Variants in BAIAP2 observed in about 807,000 individuals in gnomAD.
BAIAP2 encodes BAR/IMD domain containing adaptor protein 2, also known as BAR/IMD domain-containing adapter protein 2.
A neutral mutation model predicts 63.0 loss-of-function variants in BAIAP2; 18 were observed. That is an observed-to-expected ratio of 0.29 (90% confidence interval 0.20 to 0.42). The LOEUF is 0.42. Among genes scored for constraint, BAIAP2 ranks in the 10% least tolerant of loss-of-function variants. BAIAP2 has a pLI of 1.00. For synonymous variants in BAIAP2, 386 were observed against 307.6 expected, an observed-to-expected ratio of 1.25 and a Z score of -2.67; for missense variants, 610 against 734.3, an observed-to-expected ratio of 0.83 and a Z score of 1.96.
At chr17:81,063,479 A>G (rs1237947058) in intron 3 of BAIAP2, among the ~76,000 whole-genome samples, 1 of 152,182 alleles carries the variant, frequency 6.6e-6, no homozygotes, top group Non-Finnish European at 1.5e-5. Flanking sequence ...TCGAGGCCCA[A>G]GGGGCCCTGA....
At chr17:81,074,383 G>A (rs745938158) in intron 3 of BAIAP2, among the ~76,000 whole-genome samples, 4 of 151,964 alleles carry the variant, frequency 2.6e-5, no homozygotes, top group South Asian at 4.2e-4. Context: ...TGCGTGCACG[G>A]ATACGTGAGT....
At chr17:81,079,570 G>T (rs1002337585) in intron 3 of BAIAP2, among the ~76,000 whole-genome samples, 4 of 152,124 alleles carry the variant, frequency 2.6e-5, no homozygotes, top group Admixed American at 2.0e-4. Flanking sequence ...GGGCTGGTGG[G>T]GTGAGCTGCC....
At chr17:81,069,392 C>T (rs1007847361) in intron 3 of BAIAP2, among the ~76,000 whole-genome samples, 2 of 152,090 alleles carry the variant, frequency 1.3e-5, no homozygotes, top group African/African-American at 4.8e-5. Context: ...CCATGGAGTG[C>T]TGGAGGGGTG....
rs866018129 is a variant in BAIAP2 at position 81,103,994 on chromosome 17, G to C, written c.952G>C (p.Ala318Pro). 5 of 1,613,032 alleles carry C rather than the reference G, an allele frequency of 3.1e-6. No homozygotes were observed. Among genetic ancestry groups the C allele is most frequent in the Non-Finnish European group, 3.4e-6 (4 of 1,180,032 alleles). Reference protein sequence around the residue: ...EDYSPWADRKAAQPKSLSPPQ... With the variant: ...EDYSPWADRKPAQPKSLSPPQ... ...CTACAGCCCGTGGGCTGACCGCAAG[G>C]CTGCCCAGCCCAAATCCCTGTCTCC... Residue 318 changes from alanine to proline, a missense_variant, in exon 9 of 14, where the codon GCT becomes CCT. Ala to Pro is a conservative substitution (Grantham distance 27). Coordinates refer to ENST00000428708, the MANE Select transcript of BAIAP2 (RefSeq NM_001144888.2).
At chr17:81,111,034 G>T in intron 13 of BAIAP2, 1 of 1,576,634 alleles carries the variant, frequency 6.3e-7, no homozygotes, top group Non-Finnish European at 8.7e-7. Context: ...CCTCAGTCAC[G>T]CAGCCTGGGT....
chr17:81,105,493 A>C (rs12944983), intron 10 of BAIAP2: 33,399 of 153,548 alleles, frequency 0.22, 4,328 homozygotes, highest in South Asian at 0.36. Flanking sequence ...TCACCTATGG[A>C]GTCAGATGGG....
chr17:81,091,974 C>G (rs941269807), intron 6 of BAIAP2, among the ~76,000 whole-genome samples: 1 of 152,244 alleles, frequency 6.6e-6, no homozygotes, highest in African/African-American at 2.4e-5. Context: ...ACGGGCTGGA[C>G]GGGCGCCCCC....
At chr17:81,089,547 C>T (rs1244828022) in intron 6 of BAIAP2, among the ~76,000 whole-genome samples, 1 of 151,250 alleles carries the variant, frequency 6.6e-6, no homozygotes, top group African/African-American at 2.4e-5. Flanking sequence ...GCCAGGTGAC[C>T]CAGTTTTGGG....
chr17:81,109,259 C>A, intron 13 of BAIAP2: 1 of 1,338,292 alleles, frequency 7.5e-7, no homozygotes, highest in Non-Finnish European at 9.5e-7. Context: ...CAGGCAGGAC[C>A]TGCTGGGCCG....
At chr17:81,110,954 G>GAGTTAGTA (rs1362033114) in intron 13 of BAIAP2, 1 of 1,613,804 alleles carries the variant, frequency 6.2e-7, no homozygotes, top group Non-Finnish European at 8.5e-7. Flanking sequence ...CGCCTGACTA[G>GAGTTAGTA]AGTTAGTAAG....
At chr17:81,050,106 C>T (rs1026970425) in intron 1 of BAIAP2, among the ~76,000 whole-genome samples, 21 of 152,216 alleles carry the variant, frequency 1.4e-4, no homozygotes, top group African/African-American at 5.1e-4. Context: ...GTGGCACCTA[C>T]AGTGCGTGCC....
At chr17:81,048,491 G>A (rs1240021776) in intron 1 of BAIAP2, among the ~76,000 whole-genome samples, 4 of 151,932 alleles carry the variant, frequency 2.6e-5, no homozygotes, top group Non-Finnish European at 5.9e-5. Context: ...CTCTCCCTTT[G>A]TTCCCCAAGT....
intron 3 of BAIAP2, among the ~76,000 whole-genome samples, chr17:81,061,279 T>A (rs1266253411): frequency 6.6e-6 from 1 of 152,256 alleles, no homozygotes; most frequent in Non-Finnish European, 1.5e-5. Context: ...TTTTCATGGC[T>A]AAGGCAGACG....
intron 6 of BAIAP2, among the ~76,000 whole-genome samples, chr17:81,093,099 C>A (rs2057062707): frequency 1.0e-5 from 1 of 97,196 alleles, no homozygotes; most frequent in Non-Finnish European, 2.3e-5. Context: ...CTGGGCTGGG[C>A]TGGGCTGGGC....
chr17:81,100,400 C>T (rs1042714292), intron 7 of BAIAP2, among the ~76,000 whole-genome samples: 8 of 152,126 alleles, frequency 5.3e-5, no homozygotes, highest in African/African-American at 1.2e-4. Context: ...TGCAGGCTGA[C>T]GCCAGGCAGG....
At chr17:81,044,814 T>C (rs939371925) in intron 1 of BAIAP2, among the ~76,000 whole-genome samples, 3 of 152,252 alleles carry the variant, frequency 2.0e-5, no homozygotes, top group African/African-American at 7.2e-5. Flanking sequence ...GCTGATTCTA[T>C]TGGACGAGCA....
chr17:81,084,016 C>T (rs1034041181), intron 3 of BAIAP2: 1 of 152,242 alleles, frequency 6.6e-6, no homozygotes, highest in Non-Finnish European at 1.5e-5. Flanking sequence ...CGCAGGTGGA[C>T]TTGAGCCGGG....
In BAIAP2 at chr17:81,114,624, G is replaced by A. The variant is rs886289068; in HGVS notation, c.1536-1146G>A. On this transcript the variant is annotated intron_variant, in intron 13 of 13. Transcript: ENST00000428708. ...CCGCAGACCTGTCAGTCTCTTCCAC[G>A]TACTTTATTCTCTTAAAAACTCAGT... 6.6e-5 allele frequency among the ~76,000 whole-genome samples: 10 copies of A among 152,276 alleles called. No individual in the cohort carries two copies. The East Asian group carries it at 7.7e-4, about 12-fold the overall frequency.
chr17:81,107,107 A>G, intron 12 of BAIAP2, 200 bp downstream of exon 12: 1 of 639,608 alleles, frequency 1.6e-6, no homozygotes, highest in Non-Finnish European at 2.5e-6. Context: ...TCGCCGCAGC[A>G]GGCTCCCTGT....
Sources: gnomAD v4.1 joint callset for allele counts (sites outside exome capture counted in the v4.1 genomes callset) on GRCh38, gnomAD v4.1.1 for gene constraint, MANE v1.5 for transcripts, NCBI Gene and HGNC (gene_info 2026-07-23, HGNC 2026-07-21) for gene names.